TMEM131: variants seen among roughly 807,000 people sequenced by gnomAD.
TMEM131 encodes the protein transmembrane protein 131.
In TMEM131, 66 loss-of-function variants were observed where a neutral mutation model predicts 211.6. The ratio of observed to expected loss-of-function variants is 0.31; its 90% CI spans 0.26 to 0.38. The LOEUF (loss-of-function observed/expected upper bound fraction) is 0.38. Ranked by LOEUF, TMEM131 falls within the 10% of genes least tolerant of loss-of-function variation. TMEM131 has a pLI of 1.00. For synonymous variants in TMEM131, 844 were observed against 841.3 expected (o/e 1.00, Z -0.06); for missense variants, 2,036 against 2,299.3 (o/e 0.89, Z 2.34).
At position 97,814,295 on chromosome 2, in the gene TMEM131, G is replaced by C. The variant is rs757424255; in HGVS notation, c.1386C>G (p.Phe462Leu). The change falls in exon 14 of 41, where the codon TTC becomes TTG. Residue 462 changes from phenylalanine (F) to leucine (L), a missense_variant. Physicochemically the swap from Phe to Leu is conservative, Grantham distance 22 (BLOSUM62 0). Transcript: ENST00000186436. Reference protein sequence around the residue: ...VERPIYLTNTFSFAILIHDVL... With the variant: ...VERPIYLTNTLSFAILIHDVL... Reference sequence around the variant, plus strand: ...CATCGTGAATGAGGATCGCAAAACTGAAAGTGTTAGTAAGGTAAATTGGCC... The same window carrying C: ...CATCGTGAATGAGGATCGCAAAACTCAAAGTGTTAGTAAGGTAAATTGGCC... The C allele has an allele frequency of 1.1e-5, 17 of 1,613,782 alleles. No individual in the cohort carries two copies. The highest frequency in any genetic ancestry group is 1.4e-5 in the Non-Finnish European group (17 of 1,179,854).
intron 25 of TMEM131, among the ~76,000 whole-genome samples, chr2:97,799,448 T>A (rs992887305): frequency 1.3e-5 from 2 of 152,232 alleles, no homozygotes; most frequent in Non-Finnish European, 2.9e-5. Flanking sequence ...GAACACCGTT[T>A]ATGTCTGAAA....
chr2:97,861,277 T>C (rs551498143), intron 4 of TMEM131, among the ~76,000 whole-genome samples: 8 of 151,894 alleles, frequency 5.3e-5, no homozygotes, highest in African/African-American at 1.9e-4. Context: ...GCATGCAACC[T>C]ACTGAGACAT....
rs770412248 is a variant in TMEM131 at position 97,759,689 on chromosome 2, C to G, written c.5169G>C (p.Ser1723=). 4 of 1,613,512 alleles carry G rather than the reference C, an allele frequency of 2.5e-6. No homozygotes were observed. The highest frequency in any genetic ancestry group is 2.5e-6 in the Non-Finnish European group (3 of 1,179,780). ...TAAAAGAGTTTCCAAAGGCGGAGAA[C>G]GAATTGAGGGGAGTGAAGTCAGGGC... ...PSSPDFTPLN[S]FSAFGNSFNL... The change falls in exon 39 of 41, where the codon TCG becomes TCC. Residue 1723 remains serine, a synonymous_variant. Transcript: ENST00000186436.
chr2:97,766,640 CCT>C (rs1374529334), intron 33 of TMEM131, 38 bp from the exon 34 acceptor site: 2 of 1,608,668 alleles, frequency 1.2e-6, no homozygotes, highest in African/African-American at 2.7e-5. Flanking sequence ...CAAATTTATT[CCT>C]CTGTTTTGGA....
chr2:97,868,461 C>T (rs887367599), intron 4 of TMEM131, among the ~76,000 whole-genome samples: 4 of 152,038 alleles, frequency 2.6e-5, no homozygotes, highest in Non-Finnish European at 5.9e-5. Context: ...ATATTTAATG[C>T]AATTATTGAT....
chr2:97,984,755 A>G (rs529875474), intron 1 of TMEM131, among the ~76,000 whole-genome samples: 1 of 151,312 alleles, frequency 6.6e-6, no homozygotes, highest in African/African-American at 2.4e-5. Flanking sequence ...TGATACATCA[A>G]TACTCATGAG....
At chr2:97,847,789 A>G (rs1249825392) in intron 5 of TMEM131, among the ~76,000 whole-genome samples, 1 of 152,240 alleles carries the variant, frequency 6.6e-6, no homozygotes, top group African/African-American at 2.4e-5. Context: ...TGAAAATTGT[A>G]CTATGATTAT....
chr2:97,757,589 G>A (rs561305193), intron 40 of TMEM131, among the ~76,000 whole-genome samples: 24 of 152,316 alleles, frequency 1.6e-4, no homozygotes, highest in African/African-American at 5.5e-4. Flanking sequence ...AGGCTGGAGT[G>A]CAGTGGTGTG....
Position 97,809,708 on chromosome 2 carries a change from C to A in TMEM131, c.2035G>T (p.Val679Phe). 6.2e-7 allele frequency: 1 copy of A among 1,610,872 alleles called. No individual in the cohort carries two copies. Among genetic ancestry groups the A allele is most frequent in the Non-Finnish European group, 8.5e-7 (1 of 1,178,602 alleles). Residue 679 changes from valine (V) to phenylalanine (F), a missense_variant, in exon 19 of 41, where the codon GTT becomes TTT. Physicochemically the swap from Val to Phe is conservative, Grantham distance 50. Coordinates refer to ENST00000186436, the MANE Select transcript of TMEM131 (RefSeq NM_015348.2). ...CTTACTGGAAAGGAAGGTGGAAGAACCACGTGCTTAGGGAAGCAGGTCAGT... is the reference window on the plus strand; with the variant it reads ...CTTACTGGAAAGGAAGGTGGAAGAAACACGTGCTTAGGGAAGCAGGTCAGT... The part of the protein sequence containing the change: ...GSLTCFPKHV[V>F]LPPSFPGKIV...
At chr2:97,886,079 A>T (rs1675144531) in intron 4 of TMEM131, among the ~76,000 whole-genome samples, 1 of 150,354 alleles carries the variant, frequency 6.7e-6, no homozygotes. Flanking sequence ...TTTTTATTTC[A>T]CTCATTGAAT....
chr2:97,822,198 T>G (rs1343195639), intron 11 of TMEM131, among the ~76,000 whole-genome samples: 1 of 152,058 alleles, frequency 6.6e-6, no homozygotes, highest in Non-Finnish European at 1.5e-5. Context: ...CAGGACTCTA[T>G]TCCCTCCTTT....
intron 29 of TMEM131, among the ~76,000 whole-genome samples, chr2:97,793,791 G>A (rs942940236): frequency 6.6e-5 from 10 of 150,854 alleles, no homozygotes; most frequent in East Asian, 2.0e-4. Context: ...TCAGGAGATC[G>A]ACACCATCCT....
At chr2:97,834,573 TAA>T (rs34454073) in intron 10 of TMEM131, 46 bp downstream of exon 10, 19,077 of 1,255,388 alleles carry the variant, frequency 0.015, 16 homozygotes, top group Non-Finnish European at 0.018. Context: ...ATACAGGGGT[TAA>T]AAAAAAAAAA....
chr2:97,841,923 T>C lies in TMEM131; in HGVS notation c.615A>G (p.Gly205=). ...GCCTCAATCGATATGGATTTGGAAC[T>C]CCAACACCAAATACCTGTTTCAGTG... ...GVFTYQVFGV[G]VPNPYRLRPF... Residue 205 remains glycine, a synonymous_variant, in exon 7 of 41, where the codon GGA becomes GGG. Coordinates refer to ENST00000186436, the MANE Select transcript of TMEM131 (RefSeq NM_015348.2). 6 of 1,572,630 alleles carry C rather than the reference T, an allele frequency of 3.8e-6. No individual in the cohort carries two copies. Among genetic ancestry groups the C allele is most frequent in the Non-Finnish European group, 5.2e-6 (6 of 1,158,354 alleles).
At chr2:97,992,881 A>C (rs548842115) in intron 1 of TMEM131, among the ~76,000 whole-genome samples, 1 of 152,294 alleles carries the variant, frequency 6.6e-6, no homozygotes, top group East Asian at 1.9e-4. Flanking sequence ...CTATCTCTGG[A>C]AACTCTTTCA....
chr2:97,758,330 T>G (rs925005552), intron 40 of TMEM131, among the ~76,000 whole-genome samples: 2 of 152,254 alleles, frequency 1.3e-5, no homozygotes, highest in African/African-American at 4.8e-5. Context: ...TCTGTCATAA[T>G]TTTGTGGAAG....
chr2:97,759,743 A>C lies in TMEM131; in HGVS notation c.5115T>G (p.Gly1705=). ...PVDSDGSDSS[G]LWSPVSNPSS... ...TTGGGTTGCTGACGGGACTCCACAA[A>C]CCCGAGCTAAATGTTACAAGAGGAA... Residue 1705 remains glycine, a synonymous_variant, in exon 39 of 41, where the codon GGT becomes GGG. Transcript: ENST00000186436. 1.2e-6 allele frequency: 2 copies of C among 1,612,180 alleles called. No individual in the cohort carries two copies. Among genetic ancestry groups the C allele is most frequent in the Non-Finnish European group, 1.7e-6 (2 of 1,179,054 alleles).
At chr2:97,925,151 C>G (rs1416086540) in intron 2 of TMEM131, among the ~76,000 whole-genome samples, 1 of 152,112 alleles carries the variant, frequency 6.6e-6, no homozygotes, top group South Asian at 2.1e-4. Context: ...GGATTACAGG[C>G]GTGAACCACT....
intron 35 of TMEM131, chr2:97,765,155 T>C (rs1468004502): frequency 2.6e-5 from 4 of 152,182 alleles, no homozygotes; most frequent in African/African-American, 9.7e-5. Flanking sequence ...GGATTTAGGA[T>C]TGTATCCCAC....
Sources: allele counts gnomAD v4.1 joint callset (sites outside exome capture counted in the v4.1 genomes callset), GRCh38; gene constraint gnomAD v4.1.1; transcripts MANE v1.5; gene names NCBI Gene and HGNC (gene_info 2026-07-23, HGNC 2026-07-21).